Variants in WASHC4 observed in about 807,000 individuals in gnomAD.
The protein encoded by WASHC4 is WASH complex subunit 4.
WASHC4 carries 86 observed loss-of-function variants against 166.6 expected under a neutral mutation model. The observed-to-expected ratio is 0.52, with a 90% CI of 0.43 to 0.62. The LOEUF (loss-of-function observed/expected upper bound fraction) is 0.62, where lower values mean the gene tolerates loss of function less well. Ranked by LOEUF, WASHC4 falls within the 20% of genes least tolerant of loss-of-function variation. The pLI is 0.00. For missense variants in WASHC4, 1,262 were observed against 1,382.4 expected (o/e 0.91, Z 1.38); for synonymous variants, 446 against 451.6 (o/e 0.99, Z 0.16).
At chr12:105,154,242 G>A (rs1286853125) in intron 26 of WASHC4, among the ~76,000 whole-genome samples, 3 of 152,022 alleles carry the variant, frequency 2.0e-5, no homozygotes, top group Non-Finnish European at 2.9e-5. Flanking sequence ...TGTTGGCCAG[G>A]GTGGTCTCGA....
At chr12:105,146,379 C>T (rs1309019337) in intron 22 of WASHC4, 73 bp from the exon 23 acceptor site, 48 of 900,648 alleles carry the variant, frequency 5.3e-5, no homozygotes, top group Non-Finnish European at 8.5e-5. Context: ...ATCAATAAGT[C>T]ATTATGCTGA....
chr12:105,154,518 A>G (rs1052239761), intron 26 of WASHC4, among the ~76,000 whole-genome samples: 11 of 152,196 alleles, frequency 7.2e-5, no homozygotes, highest in Non-Finnish European at 2.9e-5. Flanking sequence ...TTAGTGCTTT[A>G]TATGTTTTAA....
chr12:105,160,198 C>T, intron 29 of WASHC4, 50 bp downstream of exon 29: 7 of 1,462,058 alleles, frequency 4.8e-6, no homozygotes, highest in East Asian at 2.3e-5. Flanking sequence ...AAAGAGTATG[C>T]ACAAATAGAT....
At chr12:105,121,280 T>C (rs933728586) in intron 9 of WASHC4, 76 bp downstream of exon 9, 5 of 870,848 alleles carry the variant, frequency 5.7e-6, no homozygotes, top group Admixed American at 5.7e-5. Flanking sequence ...TAAACAGATA[T>C]AAATAATACA....
At chr12:105,116,215 C>T (rs893506024) in intron 6 of WASHC4, among the ~76,000 whole-genome samples, 19 of 152,006 alleles carry the variant, frequency 1.2e-4, no homozygotes, top group African/African-American at 4.1e-4. Flanking sequence ...CTTCTATTTC[C>T]TCCTCTGTGA....
intron 26 of WASHC4, among the ~76,000 whole-genome samples, chr12:105,153,331 T>G (rs1207580117): frequency 6.6e-6 from 1 of 152,206 alleles, no homozygotes; most frequent in Non-Finnish European, 1.5e-5. Flanking sequence ...AGACTTTAGG[T>G]TTACTAGTGG....
chr12:105,154,325 G>A (rs991674075), intron 26 of WASHC4, among the ~76,000 whole-genome samples: 5 of 152,048 alleles, frequency 3.3e-5, no homozygotes, highest in Non-Finnish European at 7.4e-5. Context: ...CACTGCGCCC[G>A]GCCAATACAA....
intron 6 of WASHC4, among the ~76,000 whole-genome samples, chr12:105,117,419 T>C (rs11112376): frequency 0.17 from 26,074 of 152,188 alleles, 2,468 homozygotes; most frequent in East Asian, 0.25. Flanking sequence ...TAGGTCTATC[T>C]TATATAGTCT....
chr12:105,157,454 A>G, intron 28 of WASHC4, 132 bp downstream of exon 28: 1 of 596,518 alleles, frequency 1.7e-6, no homozygotes, highest in East Asian at 3.0e-5. Flanking sequence ...TATGAAGTAT[A>G]ATTTTTAAGA....
chr12:105,127,868 T>G (rs555074922), intron 13 of WASHC4, among the ~76,000 whole-genome samples: 1 of 152,194 alleles, frequency 6.6e-6, no homozygotes, highest in East Asian at 1.9e-4. Flanking sequence ...TCCTTATTTT[T>G]TATCTCTTAT....
At chr12:105,133,584 C>T (rs982050001) in intron 13 of WASHC4, among the ~76,000 whole-genome samples, 186 bp from the exon 14 acceptor site, 7 of 152,080 alleles carry the variant, frequency 4.6e-5, no homozygotes, top group Non-Finnish European at 1.0e-4. Context: ...TTCTCAGTAC[C>T]TGTACTGAGA....
At position 105,140,757 on chromosome 12, in the gene WASHC4, A is replaced by C. The variant is rs1882770245; in HGVS notation, c.1561-142A>C. 5.6e-5 allele frequency: 45 copies of C among 810,760 alleles called. No individual in the cohort carries two copies. In the South Asian group the frequency reaches 6.9e-4, roughly 12 times the overall value. 50.2% of individuals were successfully genotyped at this position (810,760 alleles called of 1,614,324 possible). On this transcript the variant is annotated intron_variant, in intron 16 of 32. Coordinates refer to ENST00000332180, the MANE Select transcript of WASHC4 (RefSeq NM_015275.3). ...AGGGATCATATTACAGAAGTAAAGT[A>C]TAAATGTCAGAAGCTTAAATGGGGA...
intron 20 of WASHC4, among the ~76,000 whole-genome samples, chr12:105,143,953 G>T (rs1429396081): frequency 1.4e-5 from 2 of 146,218 alleles, no homozygotes; most frequent in African/African-American, 4.9e-5. Flanking sequence ...AATGAATTTT[G>T]TGATTTTTTT....
At position 105,144,412 on chromosome 12, in the gene WASHC4, T is replaced by C; in HGVS notation, c.2136T>C (p.Ser712=). The change falls in exon 21 of 33, where the codon TCT becomes TCC. Residue 712 remains serine (S), a synonymous_variant. Transcript: ENST00000332180. ...VGMKDLALFF[S]LNPIRFFNRF... is the part of the protein sequence containing the mutation. ...TGAAAGACCTGGCTCTTTTTTTCTC[T>C]CTGAATCCAATTCGGTTTTTCAATC... 1 of 1,613,558 alleles carries C rather than the reference T, an allele frequency of 6.2e-7. No homozygotes were observed. Among genetic ancestry groups the C allele is most frequent in the Non-Finnish European group, 8.5e-7 (1 of 1,179,614 alleles).
chr12:105,112,015 A>G (rs1426100140), intron 2 of WASHC4, among the ~76,000 whole-genome samples: 2 of 152,160 alleles, frequency 1.3e-5, no homozygotes, highest in African/African-American at 2.4e-5. Flanking sequence ...AGCCCCCAAA[A>G]AAGAAACCAT....
intron 1 of WASHC4, among the ~76,000 whole-genome samples, chr12:105,110,912 A>G (rs1879625899): frequency 6.6e-6 from 1 of 152,212 alleles, no homozygotes; most frequent in Non-Finnish European, 1.5e-5. Context: ...AACTTTATAT[A>G]TGGTAACATC....
Position 105,140,953 on chromosome 12 carries a change from G to A in WASHC4, c.1615G>A (p.Ala539Thr). The change falls in exon 17 of 33, where the codon GCT (alanine) becomes ACT (threonine). Residue 539 changes from alanine to threonine, a missense_variant. Transcript: ENST00000332180. ...CGAACAGCGTCTTGATGTGCTCTCT[G>A]CTCTAGTTTTGGCTGAAAACACTCT... ...YSEQRLDVLS[A>T]LVLAENTLNG... 6.2e-7 allele frequency: 1 copy of A among 1,614,056 alleles called. No individual in the cohort carries two copies. The highest frequency in any genetic ancestry group is 8.5e-7 in the Non-Finnish European group (1 of 1,179,986).
At position 105,168,253 on chromosome 12, in the gene WASHC4, C is replaced by G. The variant is rs1385126213; in HGVS notation, c.*1322C>G. ...GTAACTTGCCAGCCCAAGATAAATA[C>G]TTTAATTGTTAAAAGTCAGAAGAGA... is the stretch of plus-strand genomic sequence containing the variant. On this transcript the variant is annotated 3_prime_UTR_variant, in exon 33 of 33. Coordinates refer to ENST00000332180, the MANE Select transcript of WASHC4 (RefSeq NM_015275.3). The G allele has an allele frequency of 6.6e-6, 1 of 152,370 alleles. No individual in the cohort carries two copies. Among genetic ancestry groups the G allele is most frequent in the South Asian group, 2.1e-4 (1 of 4,828 alleles). 9.4% of individuals were successfully genotyped at this position (152,370 alleles called of 1,614,324 possible). A position where few individuals can be genotyped will look rare whatever the true frequency, so the allele number is the denominator to read the frequency against.
chr12:105,156,661 C>T, intron 26 of WASHC4, 65 bp from the exon 27 acceptor site: 1 of 1,324,548 alleles, frequency 7.5e-7, no homozygotes, highest in Non-Finnish European at 1.1e-6. Flanking sequence ...CTGTATGTAA[C>T]TATATTCCTA....
Sources: allele counts gnomAD v4.1 joint callset (sites outside exome capture counted in the v4.1 genomes callset), GRCh38; gene constraint gnomAD v4.1.1; transcripts MANE v1.5; gene names NCBI Gene and HGNC (gene_info 2026-07-23, HGNC 2026-07-21).